Variants in ALDH5A1 observed in about 807,000 individuals in gnomAD.
ALDH5A1 encodes aldehyde dehydrogenase 5 family member A1.
ALDH5A1 carries 33 observed loss-of-function variants against 54.7 expected under a neutral mutation model. The observed-to-expected ratio is 0.60, with a 90% CI of 0.46 to 0.81. The LOEUF (loss-of-function observed/expected upper bound fraction) is 0.81. Among genes scored for constraint, ALDH5A1 ranks in the 30% least tolerant of loss-of-function variants. ALDH5A1 has a pLI of 0.00. For missense variants in ALDH5A1, 657 were observed against 711.0 expected, an observed-to-expected ratio of 0.92 and a Z score of 0.86; for synonymous variants, 294 against 292.7, an observed-to-expected ratio of 1.00 and a Z score of -0.05.
intron 1 of ALDH5A1, among the ~76,000 whole-genome samples, chr6:24,501,891 A>G (rs200391693): frequency 0.056 from 6,496 of 116,964 alleles, 355 homozygotes; most frequent in African/African-American, 0.16. Context: ...ATATATATAT[A>G]TATATGTGTG....
In ALDH5A1 at chr6:24,533,228, C is replaced by T. The variant is rs116138573; in HGVS notation, c.1403-279C>T. 0.054 allele frequency among the ~76,000 whole-genome samples: 8,276 copies of T among 152,086 alleles called. 282 individuals are homozygous for T. Among genetic ancestry groups the T allele is most frequent in the African/African-American group, 0.075 (3,122 of 41,500 alleles). Reference sequence around the variant, plus strand: ...CATCGAAAGGCTTGGGCAAAAATGTCGTGTGGAAATCTAACAGGTGTGCAG... The same window carrying T: ...CATCGAAAGGCTTGGGCAAAAATGTTGTGTGGAAATCTAACAGGTGTGCAG... On this transcript the variant is annotated intron_variant, in intron 9 of 9. Transcript: ENST00000357578.
intron 7 of ALDH5A1, among the ~76,000 whole-genome samples, chr6:24,526,964 ATGTGTGTG>A (rs1182158053): frequency 0.025 from 411 of 16,702 alleles, 49 homozygotes; most frequent in African/African-American, 0.043. Flanking sequence ...ATATATATAT[ATGTGTGTG>A]TGTATATATA....
Position 24,515,240 on chromosome 6 carries a change from T to G in ALDH5A1, c.800T>G (p.Val267Gly). The G allele has an allele frequency of 6.2e-7, 1 of 1,613,778 alleles. No homozygotes were observed. The highest frequency in any genetic ancestry group is 2.2e-5 in the East Asian group (1 of 44,862). The part of the protein sequence containing the change: ...IPCSRKNAKE[V>G]GEAICTDPLV... ...TGTTCTCGAAAGAATGCCAAGGAAG[T>G]AGGGGAGGCAATTTGTACTGATCCT... The change falls in exon 5 of 10, where the codon GTA becomes GGA. Residue 267 changes from valine to glycine, a missense_variant. Physicochemically the swap from Val to Gly is moderately radical, Grantham distance 109. This residue lies in a region of ALDH5A1 where 425 missense variants were observed against 516.4 expected (regional missense o/e 0.82). Transcript: ENST00000357578.
intron 4 of ALDH5A1, among the ~76,000 whole-genome samples, chr6:24,513,716 G>T (rs1561873392): frequency 7.0e-6 from 1 of 143,146 alleles, no homozygotes; most frequent in South Asian, 2.8e-4. Context: ...ACTATTGATA[G>T]GGCAAGGCCC....
At chr6:24,505,089 C>T (rs1759312176) in intron 4 of ALDH5A1, 104 bp downstream of exon 4, 1 of 1,113,732 alleles carries the variant, frequency 9.0e-7, no homozygotes, top group East Asian at 2.3e-5. Context: ...TTTGCTTACG[C>T]CTCCTGATGC....
In ALDH5A1 at chr6:24,535,052, G is replaced by T. The variant is rs953605933; in HGVS notation, c.*1340G>T. On this transcript the variant is annotated 3_prime_UTR_variant, in exon 10 of 10. Transcript: ENST00000357578. ...AAAGACTCCGTAATCTTAAACAGAT[G>T]CAAATCCAATTAGGCGGCCAAGTAG... 2.0e-5 allele frequency: 3 copies of T among 152,218 alleles called. No individual in the cohort carries two copies. The highest frequency in any genetic ancestry group is 4.4e-5 in the Non-Finnish European group (3 of 68,048). 9.4% of individuals were successfully genotyped at this position (152,218 alleles called of 1,614,324 possible). A position where few individuals can be genotyped will look rare whatever the true frequency, so the allele number is the denominator to read the frequency against.
intron 2 of ALDH5A1, 132 bp from the exon 3 acceptor site, chr6:24,503,131 A>G: frequency 8.9e-7 from 1 of 1,117,644 alleles, no homozygotes; most frequent in East Asian, 2.6e-5. Context: ...AAAGTCAGAA[A>G]TTTTCCCCAC....
At chr6:24,532,021 C>T (rs1301225248) in intron 8 of ALDH5A1, 98 bp from the exon 9 acceptor site, 4 of 1,123,894 alleles carry the variant, frequency 3.6e-6, no homozygotes, top group Non-Finnish European at 5.4e-6. Flanking sequence ...CTCTGATTTA[C>T]TCCTTGTGAT....
At chr6:24,520,730 A>T (rs1312909521) in intron 6 of ALDH5A1, among the ~76,000 whole-genome samples, 186 bp downstream of exon 6, 1 of 151,882 alleles carries the variant, frequency 6.6e-6, no homozygotes, top group Non-Finnish European at 1.5e-5. Context: ...TCCATTATTC[A>T]TTCTTTATTC....
intron 8 of ALDH5A1, among the ~76,000 whole-genome samples, chr6:24,531,595 T>C (rs1446933742): frequency 6.6e-6 from 1 of 152,190 alleles, no homozygotes; most frequent in African/African-American, 2.4e-5. Flanking sequence ...ATTCCTGAAA[T>C]AAAATTTTAA....
intron 4 of ALDH5A1, among the ~76,000 whole-genome samples, chr6:24,513,716 G>A (rs1561873392): frequency 7.0e-6 from 1 of 143,148 alleles, no homozygotes; most frequent in African/African-American, 2.6e-5. Context: ...ACTATTGATA[G>A]GGCAAGGCCC....
chr6:24,495,292 G>C lies in ALDH5A1; in HGVS notation c.296G>C (p.Arg99Pro), dbSNP rs1161280166. Residue 99 changes from arginine to proline, a missense_variant, in exon 1 of 10, where the codon CGC becomes CCC. Arg to Pro is a moderately radical substitution (Grantham distance 103). Around this residue, in one of 2 missense-constraint regions of ALDH5A1, gnomAD observed 232 missense variants for 194.6 expected, o/e 1.19. Transcript: ENST00000357578. ...GCCGACTGCGGGGTGCGAGAGGCCC[G>C]CGCCGCCGTGCGCGCTGCCTACGAG... is the stretch of plus-strand genomic sequence containing the variant. ...MVADCGVREA[R>P]AAVRAAYEAF... 7.1e-5 allele frequency: 109 copies of C among 1,532,972 alleles called. No homozygotes were observed. The highest frequency in any genetic ancestry group is 9.2e-5 in the Non-Finnish European group (106 of 1,146,394). The allele number at this position is 1,532,972 out of a possible 1,614,324, so 95.0% of individuals were successfully genotyped here. A position where few individuals can be genotyped will look rare whatever the true frequency, so the allele number is the denominator to read the frequency against.
rs530214120 is a variant in ALDH5A1 at position 24,504,663 on chromosome 6, A to C, written c.610-206A>C. On this transcript the variant is annotated intron_variant, in intron 3 of 9. Transcript: ENST00000357578. ...TTTTTTACTGTGTTAAATTCTAAAA[A>C]TATTTCCTGTCTTCAAGAGCCTTTA... Among the ~76,000 whole-genome samples, 3 of 152,326 alleles carry C rather than the reference A, an allele frequency of 2.0e-5. No individual in the cohort carries two copies. In the South Asian group the frequency reaches 6.2e-4, roughly 32 times the overall value.
Position 24,495,066 on chromosome 6 carries a change from CT to C in ALDH5A1, c.71del (p.Leu24ProfsTer67). 1 of 1,337,578 alleles carries C rather than the reference CT, an allele frequency of 7.5e-7. No homozygotes were observed. Among genetic ancestry groups the C allele is most frequent in the Non-Finnish European group, 9.6e-7 (1 of 1,046,144 alleles). The allele number at this position is 1,337,578 out of a possible 1,614,324, so 82.9% of individuals were successfully genotyped here. A position where few individuals can be genotyped will look rare whatever the true frequency, so the allele number is the denominator to read the frequency against. On this transcript the variant is annotated frameshift_variant, in exon 1 of 10. Transcript: ENST00000357578. LOFTEE classifies it high-confidence loss of function. ...RLGSTFPGCRLRPRAGGLVPA... is the reference protein window; with the variant it reads ...RLGSTFPGCRXRPRAGGLVPA... ...CGGGTCGACGTTTCCAGGCTGCCGC[CT>C]CCGCCCCCGCGCCGGCGGCCTGGTC...
Position 24,520,497 on chromosome 6 carries a change from C to G in ALDH5A1, c.967C>G (p.Gln323Glu). ...FIVFDSANVD[Q>E]AVAGAMASKF... is the part of the protein sequence containing the mutation. ...AGTATTTGACAGTGCCAACGTGGAC[C>G]AGGCTGTAGCAGGGGCCATGGCATC... The change falls in exon 6 of 10, where the codon CAG becomes GAG. Residue 323 changes from glutamine (Q) to glutamate (E), a missense_variant. Physicochemically the swap from Gln to Glu is conservative, Grantham distance 29. Coordinates refer to ENST00000357578, the MANE Select transcript of ALDH5A1 (RefSeq NM_001080.3). 6.2e-7 allele frequency: 1 copy of G among 1,614,130 alleles called. No homozygotes were observed. The highest frequency in any genetic ancestry group is 8.5e-7 in the Non-Finnish European group (1 of 1,180,024).
intron 7 of ALDH5A1, among the ~76,000 whole-genome samples, chr6:24,524,237 G>A (rs947901496): frequency 2.6e-5 from 4 of 151,942 alleles, no homozygotes; most frequent in Non-Finnish European, 5.9e-5. Flanking sequence ...CACCTGCCTC[G>A]GCCTCCCAAA....
intron 7 of ALDH5A1, among the ~76,000 whole-genome samples, chr6:24,524,051 C>G (rs1400565945): frequency 7.1e-6 from 1 of 140,420 alleles, no homozygotes; most frequent in East Asian, 2.1e-4. Flanking sequence ...AGTGGTGAGT[C>G]TTGACTCACT....
intron 1 of ALDH5A1, among the ~76,000 whole-genome samples, chr6:24,500,938 G>A (rs937362681): frequency 2.6e-5 from 4 of 152,082 alleles, no homozygotes; most frequent in Non-Finnish European, 5.9e-5. Context: ...TGTAGATCCT[G>A]TTAGCATGAA....
chr6:24,503,407 A>G lies in ALDH5A1; in HGVS notation c.583A>G (p.Ile195Val), dbSNP rs759237061. The G allele has an allele frequency of 6.3e-5, 101 of 1,613,326 alleles. No homozygotes were observed. The highest frequency in any genetic ancestry group is 8.3e-5 in the Admixed American group (5 of 60,004). The change falls in exon 3 of 10, where the codon ATA (isoleucine) becomes GTA (valine). Residue 195 changes from isoleucine (I) to valine (V), a missense_variant. Transcript: ENST00000357578. ...GCGGGCCCTGGTCCTCAAGCAGCCC[A>G]TAGGCGTGGCTGCAGTCATCACCCC... ...DRRALVLKQPIGVAAVITPWN... is the reference protein window; with the variant it reads ...DRRALVLKQPVGVAAVITPWN...
Sources: allele counts gnomAD v4.1 joint callset (sites outside exome capture counted in the v4.1 genomes callset), GRCh38; gene constraint gnomAD v4.1.1; regional missense constraint gnomAD v4.1.1; transcripts MANE v1.5; gene names NCBI Gene and HGNC (gene_info 2026-07-23, HGNC 2026-07-21).